The following SLC13A1 variants were observed in gnomAD, a reference collection of about 807,000 sequenced individuals.
SLC13A1 encodes the protein solute carrier family 13 member 1, also known as Na(+)/sulfate cotransporter.
Under a neutral mutation model 70.0 loss-of-function variants are expected in SLC13A1, and 65 were observed. That is an observed-to-expected ratio of 0.93 (90% CI 0.76 to 1.14). SLC13A1 has a LOEUF of 1.14. Among genes scored for constraint, SLC13A1 ranks in the 50% most tolerant of loss-of-function variants. SLC13A1 has a pLI of 0.00. For synonymous variants in SLC13A1, 275 were observed against 250.5 expected (o/e 1.10, Z -0.92); for missense variants, 726 against 717.8 (o/e 1.01, Z -0.13).
intron 1 of SLC13A1, among the ~76,000 whole-genome samples, chr7:123,188,072 C>G (rs1795870247): frequency 6.6e-6 from 1 of 152,074 alleles, no homozygotes; most frequent in African/African-American, 2.4e-5. Context: ...CTCCATGCTA[C>G]CCAGGTGTCA....
chr7:123,166,384 A>C (rs1238005088), intron 6 of SLC13A1, among the ~76,000 whole-genome samples: 1 of 113,934 alleles, frequency 8.8e-6, no homozygotes, highest in Non-Finnish European at 2.0e-5. Context: ...CAGCTTTTAA[A>C]GCCCATTTCT....
intron 2 of SLC13A1, among the ~76,000 whole-genome samples, chr7:123,172,393 G>A (rs908918771): frequency 3.3e-5 from 5 of 152,210 alleles, no homozygotes; most frequent in Non-Finnish European, 7.3e-5. Flanking sequence ...GGCCAAAGCA[G>A]GTGGATCACT....
At chr7:123,118,432 C>A (rs1793254248) in intron 13 of SLC13A1, among the ~76,000 whole-genome samples, 1 of 152,132 alleles carries the variant, frequency 6.6e-6, no homozygotes, top group African/African-American at 2.4e-5. Flanking sequence ...GAAAGACAAT[C>A]CTTCTTAAAG....
intron 6 of SLC13A1, among the ~76,000 whole-genome samples, chr7:123,166,898 C>G (rs760651110): frequency 6.6e-6 from 1 of 152,204 alleles, no homozygotes. Context: ...TGAACAGACA[C>G]TTCTCAAAAG....
chr7:123,179,892 A>C (rs1172075314), intron 2 of SLC13A1, among the ~76,000 whole-genome samples: 1 of 152,184 alleles, frequency 6.6e-6, no homozygotes, highest in Non-Finnish European at 1.5e-5. Flanking sequence ...TATTTTTAAC[A>C]ACTGATCAAC....
intron 1 of SLC13A1, among the ~76,000 whole-genome samples, chr7:123,182,710 A>C (rs1795679092): frequency 6.6e-6 from 1 of 152,100 alleles, no homozygotes; most frequent in Non-Finnish European, 1.5e-5. Context: ...CATCCATGTC[A>C]ACATGGGCCT....
At chr7:123,169,809 A>G (rs1160959923) in intron 3 of SLC13A1, among the ~76,000 whole-genome samples, 2 of 152,212 alleles carry the variant, frequency 1.3e-5, no homozygotes, top group Non-Finnish European at 2.9e-5. Context: ...AGGTACAAGG[A>G]CAAAGAAAGA....
Position 123,148,581 on chromosome 7 carries a change from G to A in SLC13A1, c.661-1271C>T, listed in dbSNP as rs28447015. On this transcript the variant is annotated intron_variant, in intron 6 of 14. Coordinates refer to ENST00000194130, the MANE Select transcript of SLC13A1 (RefSeq NM_022444.4). The stretch of plus-strand genomic sequence containing the variant: ...GTTTGATTCTTCCTCTTCCTGTGGC[G>A]AAATTCAAAGAAGAACCAATAACTT... 636 of 367,272 alleles carry A rather than the reference G, an allele frequency of 1.7e-3. 4 individuals carry two copies. The highest frequency in any genetic ancestry group is 0.013 in the African/African-American group (576 of 45,762). 22.8% of individuals were successfully genotyped at this position (367,272 alleles called of 1,614,324 possible).
intron 11 of SLC13A1, 127 bp downstream of exon 11, chr7:123,125,442 G>A (rs992389726): frequency 7.7e-6 from 5 of 652,134 alleles, no homozygotes; most frequent in East Asian, 2.6e-5. Flanking sequence ...TGCAAATAGG[G>A]CATGCTAGGC....
chr7:123,155,949 G>T (rs1794697499), intron 6 of SLC13A1, among the ~76,000 whole-genome samples: 1 of 152,126 alleles, frequency 6.6e-6, no homozygotes, highest in South Asian at 2.1e-4. Context: ...TCCTTATCCC[G>T]TTTTACCTTG....
intron 1 of SLC13A1, among the ~76,000 whole-genome samples, chr7:123,181,432 A>C (rs1340151224): frequency 1.3e-5 from 2 of 151,944 alleles, no homozygotes; most frequent in Non-Finnish European, 2.9e-5. Flanking sequence ...TATAAAATGC[A>C]CTCCCCCATA....
intron 13 of SLC13A1, among the ~76,000 whole-genome samples, chr7:123,117,935 C>A (rs891154047): frequency 2.6e-5 from 4 of 151,188 alleles, no homozygotes; most frequent in African/African-American, 9.7e-5. Context: ...TTTACATATA[C>A]GTATATATTC....
intron 10 of SLC13A1, among the ~76,000 whole-genome samples, chr7:123,127,838 A>ATTTTTTTT (rs201644707): frequency 1.9e-5 from 2 of 106,788 alleles, no homozygotes; most frequent in African/African-American, 4.0e-5. Context: ...CCAAAATACA[A>ATTTTTTTT]TTTTTTTTTT....
At chr7:123,124,291 C>T (rs1793485531) in intron 11 of SLC13A1, among the ~76,000 whole-genome samples, 1 of 152,246 alleles carries the variant, frequency 6.6e-6, no homozygotes, top group East Asian at 1.9e-4. Context: ...ACTGCCAGAC[C>T]TCAGGGCTTT....
At chr7:123,178,636 T>C (rs1270835757) in intron 2 of SLC13A1, among the ~76,000 whole-genome samples, 1 of 152,080 alleles carries the variant, frequency 6.6e-6, no homozygotes, top group African/African-American at 2.4e-5. Context: ...TATGACTAAA[T>C]CTCTAGCTCA....
intron 6 of SLC13A1, among the ~76,000 whole-genome samples, chr7:123,162,617 T>C (rs1794951880): frequency 6.6e-6 from 1 of 152,094 alleles, no homozygotes; most frequent in South Asian, 2.1e-4. Flanking sequence ...CTTTTGTTTG[T>C]TACGTGATCT....
chr7:123,190,630 TA>T (rs1457373965), intron 1 of SLC13A1: 5 of 456,578 alleles, frequency 1.1e-5, no homozygotes, highest in South Asian at 6.2e-5. Context: ...AGCATTAGAA[TA>T]AGCTGTCTAA....
At position 123,169,388 on chromosome 7, in the gene SLC13A1, C is replaced by A. The variant is rs564553411; in HGVS notation, c.366-53G>T. On this transcript the variant is annotated intron_variant, in intron 3 of 14. Coordinates refer to ENST00000194130, the MANE Select transcript of SLC13A1 (RefSeq NM_022444.4). ...GCTGTGCTCTTAGCTTAACTAGCAC[C>A]GTATTATTTAACTGGAAGATGTTTA... The A allele has an allele frequency of 5.3e-5, 79 of 1,489,312 alleles. No individual in the cohort carries two copies. In the Admixed American group the frequency reaches 1.3e-3, roughly 25 times the overall value. 92.3% of individuals were successfully genotyped at this position (1,489,312 alleles called of 1,614,324 possible). A position where few individuals can be genotyped will look rare whatever the true frequency, so the allele number is the denominator to read the frequency against.
chr7:123,136,587 T>TGGCCA (rs1793955668), intron 7 of SLC13A1, among the ~76,000 whole-genome samples: 1 of 152,154 alleles, frequency 6.6e-6, no homozygotes, highest in African/African-American at 2.4e-5. Context: ...ATCCTTTTCT[T>TGGCCA]TTACCTAACA....
Sources: gnomAD v4.1 joint callset for allele counts (sites outside exome capture counted in the v4.1 genomes callset) on GRCh38, gnomAD v4.1.1 for gene constraint, MANE v1.5 for transcripts, NCBI Gene and HGNC (gene_info 2026-07-23, HGNC 2026-07-21) for gene names.